Variants in FGF12 observed in about 807,000 individuals in gnomAD.
FGF12 encodes the protein fibroblast growth factor 12B.
FGF12 carries 14 observed loss-of-function variants against 23.6 expected under a neutral mutation model. The observed-to-expected ratio is 0.59, with a 90% CI of 0.39 to 0.93. The LOEUF is 0.93. Ranked by LOEUF, FGF12 falls within the 40% of genes least tolerant of loss-of-function variation. FGF12 has a pLI of 0.00. For missense variants in FGF12, 175 were observed against 217.8 expected, an observed-to-expected ratio of 0.80 and a Z score of 1.24; for synonymous variants, 62 against 77.3, an observed-to-expected ratio of 0.80 and a Z score of 1.04.
At chr3:192,521,829 C>G (rs1724821136) in intron 2 of FGF12, among the ~76,000 whole-genome samples, 1 of 152,078 alleles carries the variant, frequency 6.6e-6, no homozygotes, top group Non-Finnish European at 1.5e-5. Context: ...AGACTATGAG[C>G]CTTTTCGCCT....
At chr3:192,182,955 TTG>T (rs1716260752) in intron 4 of FGF12, among the ~76,000 whole-genome samples, 1 of 152,228 alleles carries the variant, frequency 6.6e-6, no homozygotes. Flanking sequence ...CAGAATTTGT[TTG>T]TGTTACTTGT....
intron 5 of FGF12, among the ~76,000 whole-genome samples, chr3:192,144,435 G>T (rs974027432): frequency 6.6e-6 from 1 of 152,112 alleles, no homozygotes; most frequent in East Asian, 1.9e-4. Context: ...AGAGTCAGAG[G>T]AGACATGGGA....
chr3:192,722,099 G>A (rs1466695029), intron 2 of FGF12, among the ~76,000 whole-genome samples: 2 of 152,090 alleles, frequency 1.3e-5, no homozygotes, highest in Non-Finnish European at 2.9e-5. Flanking sequence ...GAACAATGTG[G>A]CAACTCGGTA....
Position 192,449,313 on chromosome 3 carries a change from G to A in FGF12, c.14-88775C>T, listed in dbSNP as rs536482387. ...TTCTTGTTATTTGTTTTGGATGGCC[G>A]TCAGCAGCTAATTTGTGAGGGGAAT... is the stretch of plus-strand genomic sequence containing the variant. On this transcript the variant is annotated intron_variant, in intron 2 of 5. Coordinates refer to ENST00000445105, the MANE Select transcript of FGF12 (RefSeq NM_004113.6). 3.2e-4 allele frequency among the ~76,000 whole-genome samples: 49 copies of A among 152,218 alleles called. No homozygotes were observed. The South Asian group carries it at 8.5e-3, about 26-fold the overall frequency.
intron 2 of FGF12, among the ~76,000 whole-genome samples, chr3:192,627,951 C>G (rs1715235960): frequency 6.6e-6 from 1 of 151,914 alleles, no homozygotes. Flanking sequence ...AGTTTTGTCA[C>G]AGGTATCTTT....
At chr3:192,693,670 A>G (rs571779347) in intron 2 of FGF12, among the ~76,000 whole-genome samples, 1 of 152,300 alleles carries the variant, frequency 6.6e-6, no homozygotes, top group African/African-American at 2.4e-5. Flanking sequence ...AGTCTCTTCA[A>G]TAAATGATGT....
chr3:192,523,419 CT>C (rs1328177313), intron 2 of FGF12, among the ~76,000 whole-genome samples: 1 of 152,122 alleles, frequency 6.6e-6, no homozygotes, highest in African/African-American at 2.4e-5. Flanking sequence ...AATGGGAAGT[CT>C]TACATTTAGG....
chr3:192,704,884 C>T (rs1718418640), intron 2 of FGF12, among the ~76,000 whole-genome samples: 1 of 152,212 alleles, frequency 6.6e-6, no homozygotes, highest in African/African-American at 2.4e-5. Flanking sequence ...ACAAAGATGG[C>T]TTCTTTCCTT....
chr3:192,167,759 AT>A (rs1560175657), intron 5 of FGF12, among the ~76,000 whole-genome samples: 1,831 of 35,434 alleles, frequency 0.052, 260 homozygotes, highest in African/African-American at 0.19. Flanking sequence ...ATATATATAT[AT>A]ATATATATAA....
At chr3:192,345,868 TACAC>T in intron 3 of FGF12, among the ~76,000 whole-genome samples, 1 of 152,238 alleles carries the variant, frequency 6.6e-6, no homozygotes, top group East Asian at 1.9e-4. Context: ...TAGATAAAAT[TACAC>T]ACAGGCAACA....
At chr3:192,255,354 G>C (rs1487379933) in intron 4 of FGF12, among the ~76,000 whole-genome samples, 1 of 151,836 alleles carries the variant, frequency 6.6e-6, no homozygotes, top group Admixed American at 6.6e-5. Context: ...CTGGGGGAGA[G>C]GTATACTAAT....
intron 2 of FGF12, among the ~76,000 whole-genome samples, chr3:192,548,494 T>A (rs1171847973): frequency 6.6e-6 from 1 of 152,196 alleles, no homozygotes; most frequent in African/African-American, 2.4e-5. Flanking sequence ...GCCTTTTCAC[T>A]TCTAAATCCC....
chr3:192,360,750 G>A lies in FGF12; in HGVS notation c.14-212C>T. 3.6e-6 allele frequency: 2 copies of A among 549,718 alleles called. No homozygotes were observed. Among genetic ancestry groups the A allele is most frequent in the Non-Finnish European group, 3.3e-6 (1 of 307,062 alleles). The allele number at this position is 549,718 out of a possible 1,614,324, so 34.1% of individuals were successfully genotyped here. ...TAACACTTTTAGCAGTAAACTAAAT[G>A]CAAATAAATAAAAGCTAATTATGAT... On this transcript the variant is annotated intron_variant, in intron 2 of 5. Transcript: ENST00000445105. The surrounding 1 kb of genome is among the most constrained non-coding windows in gnomAD (Gnocchi z 4.3).
At chr3:192,182,309 G>A (rs772293788) in intron 4 of FGF12, among the ~76,000 whole-genome samples, 4 of 151,906 alleles carry the variant, frequency 2.6e-5, no homozygotes, top group Admixed American at 1.3e-4. Context: ...AAAATTCTGG[G>A]TCAAGTACAA....
intron 2 of FGF12, among the ~76,000 whole-genome samples, chr3:192,438,458 A>G (rs977541134): frequency 5.3e-5 from 8 of 152,258 alleles, no homozygotes; most frequent in Non-Finnish European, 7.3e-5. Context: ...ATCTAGAAGA[A>G]GCCATCTTCA....
chr3:192,183,252 C>T (rs1303487206), intron 4 of FGF12, among the ~76,000 whole-genome samples: 2 of 151,966 alleles, frequency 1.3e-5, no homozygotes, highest in East Asian at 3.9e-4. Context: ...AGTGAGTAGG[C>T]TGAGATCTGA....
chr3:192,705,510 C>T (rs1718439733), intron 2 of FGF12, among the ~76,000 whole-genome samples: 1 of 152,200 alleles, frequency 6.6e-6, no homozygotes, highest in East Asian at 1.9e-4. Flanking sequence ...AAATTTGTTT[C>T]TCTTCCTTCA....
At chr3:192,658,509 G>A (rs1344175168) in intron 2 of FGF12, among the ~76,000 whole-genome samples, 7 of 152,288 alleles carry the variant, frequency 4.6e-5, no homozygotes, top group South Asian at 2.1e-4. Context: ...GCAGAGCAAC[G>A]CAGAGTTTGG....
At chr3:192,249,171 T>A (rs1181532748) in intron 4 of FGF12, among the ~76,000 whole-genome samples, 1 of 152,088 alleles carries the variant, frequency 6.6e-6, no homozygotes, top group Non-Finnish European at 1.5e-5. Context: ...GTGATATAAC[T>A]CCCATCCAAG....
Sources: gnomAD v4.1 joint callset for allele counts (sites outside exome capture counted in the v4.1 genomes callset) on GRCh38, gnomAD v4.1.1 for gene constraint, Gnocchi (gnomAD v3.1) non-coding constraint, MANE v1.5 for transcripts, NCBI Gene and HGNC (gene_info 2026-07-23, HGNC 2026-07-21) for gene names.